NTRK3: variants seen among roughly 807,000 people sequenced by gnomAD.
The protein encoded by NTRK3 is neurotrophic receptor tyrosine kinase 3.
A neutral mutation model predicts 91.7 loss-of-function variants in NTRK3; 24 were observed. That is an observed-to-expected ratio of 0.26 (90% CI 0.19 to 0.37). The LOEUF (loss-of-function observed/expected upper bound fraction) is 0.37. Among genes scored for constraint, NTRK3 ranks in the 10% least tolerant of loss-of-function variants. NTRK3 has a pLI of 1.00. For synonymous variants in NTRK3, 483 were observed against 404.0 expected, an observed-to-expected ratio of 1.20 and a Z score of -2.34; for missense variants, 880 against 1,068.9, an observed-to-expected ratio of 0.82 and a Z score of 2.46.
At chr15:88,127,731 G>T (rs1279683420) in intron 11 of NTRK3, among the ~76,000 whole-genome samples, 3 of 152,048 alleles carry the variant, frequency 2.0e-5, no homozygotes, top group Non-Finnish European at 4.4e-5. Flanking sequence ...GAGGCCTGGG[G>T]ATCCATCAAT....
chr15:87,940,414 C>T (rs911591298), intron 15 of NTRK3, among the ~76,000 whole-genome samples: 1 of 152,184 alleles, frequency 6.6e-6, no homozygotes, highest in Non-Finnish European at 1.5e-5. Flanking sequence ...CTGGCATAGC[C>T]CCCTTAAGTG....
rs35011403 is a variant in NTRK3 at position 87,886,676 on chromosome 15, C to CTATATATATATATATATATA, written c.2134-6268_2134-6249dup. ...CCAAAGAGAAAAATCCCACTTTTTGCTATATATATATATATATATATATAC... is the reference window on the plus strand; with the variant it reads ...CCAAAGAGAAAAATCCCACTTTTTGCTATATATATATATATATATATATATATATATATATATATATATAC... On this transcript the variant is annotated intron_variant, in intron 17 of 18. Coordinates refer to ENST00000394480, the Ensembl canonical transcript of NTRK3. 4.3e-3 allele frequency among the ~76,000 whole-genome samples: 437 copies of CTATATATATATATATATATA among 101,082 alleles called. 11 individuals are homozygous for CTATATATATATATATATATA. Among genetic ancestry groups the CTATATATATATATATATATA allele is most frequent in the African/African-American group, 0.012 (293 of 24,494 alleles). The allele number at this position is 101,082 out of a possible 152,430, so 66.3% of individuals were successfully genotyped here.
At chr15:88,081,280 G>A (rs1261449100) in intron 13 of NTRK3, among the ~76,000 whole-genome samples, 1 of 152,114 alleles carries the variant, frequency 6.6e-6, no homozygotes, top group East Asian at 1.9e-4. Context: ...ACAGAAGGAT[G>A]GGGTGGAGTG....
intron 3 of NTRK3, among the ~76,000 whole-genome samples, chr15:88,239,103 T>C (rs2052074833): frequency 6.6e-6 from 1 of 152,124 alleles, no homozygotes; most frequent in Non-Finnish European, 1.5e-5. Context: ...AAAGATAAAA[T>C]AATCCACAAA....
chr15:87,892,719 A>C (rs187112569), intron 17 of NTRK3, among the ~76,000 whole-genome samples: 1 of 152,232 alleles, frequency 6.6e-6, no homozygotes, highest in Non-Finnish European at 1.5e-5. Context: ...TGGCCATTAA[A>C]AGTTAAATTT....
exon 17 of NTRK3, chr15:87,929,378 C>T (rs2141914913): frequency 6.2e-7 from 1 of 1,614,118 alleles, no homozygotes; most frequent in Non-Finnish European, 8.5e-7. Context: ...CCCCAGCTCA[C>T]CCTTGGCCTG....
chr15:87,876,929 C>A (rs1485468706), exon 19 of NTRK3: 1 of 1,613,722 alleles, frequency 6.2e-7, no homozygotes, highest in Non-Finnish European at 8.5e-7. Flanking sequence ...TGACCACCAG[C>A]CACCACTAGC....
At chr15:87,919,366 C>T (rs977989892) in intron 17 of NTRK3, among the ~76,000 whole-genome samples, 1 of 152,174 alleles carries the variant, frequency 6.6e-6, no homozygotes, top group African/African-American at 2.4e-5. Flanking sequence ...AAAATAACTT[C>T]ATCACTTCAT....
intron 3 of NTRK3, among the ~76,000 whole-genome samples, chr15:88,229,451 A>T (rs1325095272): frequency 6.6e-6 from 1 of 152,090 alleles, no homozygotes; most frequent in African/African-American, 2.4e-5. Context: ...CACTTTACTA[A>T]ATCTTCCATA....
chr15:88,149,820 C>T (rs2043209812), intron 5 of NTRK3, among the ~76,000 whole-genome samples: 1 of 152,240 alleles, frequency 6.6e-6, no homozygotes, highest in African/African-American at 2.4e-5. Flanking sequence ...TCTGAGTCTC[C>T]ATTGCCACTG....
At chr15:87,897,512 A>C (rs934350743) in intron 17 of NTRK3, among the ~76,000 whole-genome samples, 1 of 152,210 alleles carries the variant, frequency 6.6e-6, no homozygotes, top group African/African-American at 2.4e-5. Flanking sequence ...ATGTTAAAAG[A>C]GCTCAAGTCA....
At chr15:87,952,607 G>T (rs1011191156) in intron 14 of NTRK3, among the ~76,000 whole-genome samples, 6 of 152,160 alleles carry the variant, frequency 3.9e-5, no homozygotes, top group Non-Finnish European at 8.8e-5. Context: ...TATCTTGGCC[G>T]CCGGCTCACC....
chr15:87,933,011 C>T lies in NTRK3; in HGVS notation c.1889+1G>A. ...TGCAGGGGAAGACAATCCTTGCTTA[C>T]CTGAGGAACTTATTCAGGTCTCCAT... is the stretch of plus-strand genomic sequence containing the variant. On this transcript the variant is annotated splice_donor_variant, in intron 16 of 18. Transcript: ENST00000394480. LOFTEE classifies it high-confidence loss of function. The T allele has an allele frequency of 6.2e-7, 1 of 1,613,990 alleles. No homozygotes were observed. The highest frequency in any genetic ancestry group is 8.5e-7 in the Non-Finnish European group (1 of 1,180,004).
At chr15:88,096,724 G>A (rs992073905) in intron 13 of NTRK3, among the ~76,000 whole-genome samples, 5 of 152,190 alleles carry the variant, frequency 3.3e-5, no homozygotes, top group Non-Finnish European at 7.3e-5. Flanking sequence ...CTGCAGTGGA[G>A]AGCAACTTTG....
chr15:88,149,298 C>G (rs995805029), intron 5 of NTRK3, among the ~76,000 whole-genome samples: 8 of 152,212 alleles, frequency 5.3e-5, no homozygotes, highest in African/African-American at 1.9e-4. Flanking sequence ...GCAGAGGAGG[C>G]AGCCTCATGC....
exon 19 of NTRK3, chr15:87,869,542 T>G: frequency 4.6e-6 from 1 of 217,294 alleles, no homozygotes; most frequent in Non-Finnish European, 9.3e-6. Context: ...TTCTCACTGT[T>G]TGAAGTCCAA....
chr15:88,122,066 G>C (rs570673397), intron 13 of NTRK3, among the ~76,000 whole-genome samples: 1 of 152,258 alleles, frequency 6.6e-6, no homozygotes, highest in African/African-American at 2.4e-5. Flanking sequence ...TACCGACAGA[G>C]AGAGATCTCC....
intron 14 of NTRK3, among the ~76,000 whole-genome samples, chr15:87,994,464 A>G (rs1371245476): frequency 2.6e-5 from 4 of 152,222 alleles, no homozygotes; most frequent in Non-Finnish European, 5.9e-5. Context: ...ATGTGTCTAC[A>G]AGCCAACAAA....
chr15:87,931,010 T>C (rs1026895150), intron 16 of NTRK3: 13 of 317,160 alleles, frequency 4.1e-5, no homozygotes, highest in African/African-American at 2.2e-4. Context: ...GGCAAGGCAC[T>C]GGCACTGCCC....
Sources: gnomAD v4.1 joint callset for allele counts (sites outside exome capture counted in the v4.1 genomes callset) on GRCh38, gnomAD v4.1.1 for gene constraint, MANE v1.5 for transcripts, NCBI Gene and HGNC (gene_info 2026-07-23, HGNC 2026-07-21) for gene names.